Variants in NCR3 observed in about 807,000 individuals in gnomAD.
NCR3 encodes natural cytotoxicity triggering receptor 3, also known as NK-p30.
Under a neutral mutation model 16.1 loss-of-function variants are expected in NCR3, and 13 were observed. That is an observed-to-expected ratio of 0.81 (90% CI 0.53 to 1.28). The LOEUF (loss-of-function observed/expected upper bound fraction) is 1.28. NCR3 is among the 50% of genes most tolerant of loss of function. The probability of loss-of-function intolerance (pLI) is 0.00; values close to 1 mark genes in which losing one functional copy is unlikely to be tolerated. For missense variants in NCR3, 202 were observed against 256.8 expected, an observed-to-expected ratio of 0.79 and a Z score of 1.46; for synonymous variants, 98 against 106.6, an observed-to-expected ratio of 0.92 and a Z score of 0.50.
chr6:31,590,437 TA>T (rs1370497329), intron 1 of NCR3, among the ~76,000 whole-genome samples: 2 of 151,702 alleles, frequency 1.3e-5, no homozygotes, highest in Non-Finnish European at 2.9e-5. Context: ...CCGTCTCTAC[TA>T]AAAAAATACA....
At chr6:31,590,394 G>T (rs771465775) in intron 1 of NCR3, among the ~76,000 whole-genome samples, 2 of 152,130 alleles carry the variant, frequency 1.3e-5, no homozygotes, top group African/African-American at 2.4e-5. Context: ...CAGGTCAGGA[G>T]ATCGAGACCA....
intron 1 of NCR3, among the ~76,000 whole-genome samples, chr6:31,590,581 G>A (rs562918440): frequency 6.6e-5 from 10 of 152,104 alleles, no homozygotes; most frequent in South Asian, 2.1e-4. Flanking sequence ...CAGCCTGGGC[G>A]ACAAAGCAAG....
chr6:31,592,811 G>A lies in NCR3; in HGVS notation c.-90C>T. The A allele has an allele frequency of 7.0e-7, 1 of 1,431,086 alleles. No individual in the cohort carries two copies. Among genetic ancestry groups the A allele is most frequent in the South Asian group, 1.2e-5 (1 of 85,642 alleles). 88.6% of individuals were successfully genotyped at this position (1,431,086 alleles called of 1,614,324 possible). ...CTCACTACTTGTAGCCAGGCCTTTG[G>A]TCACCAGATGGGGATGGGGAGCTTC... On this transcript the variant is annotated 5_prime_UTR_variant, in exon 1 of 4. Transcript: ENST00000340027.
At position 31,589,482 on chromosome 6, in the gene NCR3, C is replaced by A. The variant is rs1772413140; in HGVS notation, c.496+44G>T. ...CCTCCCTCCTCCCACTCTCTTACTG[C>A]CCCTCCCATCCCGTCCACTATTGCC... On this transcript the variant is annotated intron_variant, in intron 3 of 3. Coordinates refer to ENST00000340027, the MANE Select transcript of NCR3 (RefSeq NM_147130.3). This position sits in a 1 kb window ranked among gnomAD's most constrained non-coding sequence, Gnocchi z 4.8. 4.4e-6 allele frequency: 7 copies of A among 1,608,134 alleles called. No homozygotes were observed. The African/African-American group carries it at 9.3e-5, about 21-fold the overall frequency.
At chr6:31,590,635 C>A (rs1772566516) in intron 1 of NCR3, among the ~76,000 whole-genome samples, 1 of 152,034 alleles carries the variant, frequency 6.6e-6, no homozygotes, top group Admixed American at 6.6e-5. Context: ...TTTTCAAATT[C>A]TTCCTATACC....
Position 31,588,974 on chromosome 6 carries a change from A to G in NCR3, c.*93T>C. 2 of 1,379,140 alleles carry G rather than the reference A, an allele frequency of 1.5e-6. No homozygotes were observed. The highest frequency in any genetic ancestry group is 1.9e-6 in the Non-Finnish European group (2 of 1,031,628). 85.4% of individuals were successfully genotyped at this position (1,379,140 alleles called of 1,614,324 possible). Reference sequence around the variant, plus strand: ...GTTCAGGGACCCAAGCTCCCCTAACAGCCAGAAGAGGGTATGTGTGGGCCT... The same window carrying G: ...GTTCAGGGACCCAAGCTCCCCTAACGGCCAGAAGAGGGTATGTGTGGGCCT... On this transcript the variant is annotated 3_prime_UTR_variant, in exon 4 of 4. Transcript: ENST00000340027.
chr6:31,588,948 T>C lies in NCR3; in HGVS notation c.*119A>G. 1 of 1,141,010 alleles carries C rather than the reference T, an allele frequency of 8.8e-7. No individual in the cohort carries two copies. Among genetic ancestry groups the C allele is most frequent in the Non-Finnish European group, 1.2e-6 (1 of 818,226 alleles). The allele number at this position is 1,141,010 out of a possible 1,614,324, so 70.7% of individuals were successfully genotyped here. A position where few individuals can be genotyped will look rare whatever the true frequency, so the allele number is the denominator to read the frequency against. ...TAGTAATTTATTGGGTGAATGACAG[T>C]GTTCAGGGACCCAAGCTCCCCTAAC... On this transcript the variant is annotated 3_prime_UTR_variant, in exon 4 of 4. Transcript: ENST00000340027.
At position 31,589,632 on chromosome 6, in the gene NCR3, T is replaced by C; in HGVS notation, c.390A>G (p.Glu130=). 1 of 1,613,506 alleles carries C rather than the reference T, an allele frequency of 6.2e-7. No individual in the cohort carries two copies. The highest frequency in any genetic ancestry group is 2.2e-5 in the East Asian group (1 of 44,862). Residue 130 remains glutamate (E), a splice_region_variant and synonymous_variant, in exon 3 of 4, where the codon GAA becomes GAG. Coordinates refer to ENST00000340027, the MANE Select transcript of NCR3 (RefSeq NM_147130.3). This position sits in a 1 kb window ranked among gnomAD's most constrained non-coding sequence, Gnocchi z 4.8. ...GNGTRLVVEK[E]HPQLGAGTVL... ...CTGTACCAGCCCCTAGCTGAGGATG[T>C]TCTGCATGGGGCAATGGAGACGGGG... is the stretch of plus-strand genomic sequence containing the variant.
chr6:31,590,335 C>T (rs1221308935), intron 1 of NCR3, among the ~76,000 whole-genome samples: 1 of 152,182 alleles, frequency 6.6e-6, no homozygotes, highest in Non-Finnish European at 1.5e-5. Flanking sequence ...GGTGCAGTGG[C>T]TCACGCCTGT....
Position 31,592,954 on chromosome 6 carries a change from G to A in NCR3, c.-233C>T, listed in dbSNP as rs1460115337. ...CAGATGCTGCTGGAGGAGATGTCAG[G>A]GTCTCTAGGAGGCCAAGGGGCCAGC... is the stretch of plus-strand genomic sequence containing the variant. On this transcript the variant is annotated 5_prime_UTR_variant, in exon 1 of 4. Transcript: ENST00000340027. The A allele has an allele frequency of 3.3e-5, 20 of 605,350 alleles. No homozygotes were observed. In the East Asian group the frequency reaches 5.6e-4, roughly 17 times the overall value. 37.5% of individuals were successfully genotyped at this position (605,350 alleles called of 1,614,324 possible). A position where few individuals can be genotyped will look rare whatever the true frequency, so the allele number is the denominator to read the frequency against.
At chr6:31,591,307 G>A (rs1012228001) in intron 1 of NCR3, among the ~76,000 whole-genome samples, 4 of 152,186 alleles carry the variant, frequency 2.6e-5, no homozygotes, top group Non-Finnish European at 5.9e-5. Flanking sequence ...AAATTTACAA[G>A]TCATTCTATT....
rs1772424768 is a variant in NCR3 at position 31,589,560 on chromosome 6, C to T, written c.462G>A (p.Val154=). ...GGTAATAGACGGTGCTGCCCACGGC[C>T]ACAGAGAGAAAGCTGACAGCATAGA... ...AGFYAVSFLS[V]AVGSTVYYQG... Residue 154 remains valine (V), a synonymous_variant, in exon 3 of 4, where the codon GTG becomes GTA. Transcript: ENST00000340027. The surrounding 1 kb of genome is among the most constrained non-coding windows in gnomAD (Gnocchi z 4.8). 6.2e-7 allele frequency: 1 copy of T among 1,613,970 alleles called. No homozygotes were observed.
At chr6:31,590,921 A>G (rs1008501135) in intron 1 of NCR3, among the ~76,000 whole-genome samples, 1 of 151,714 alleles carries the variant, frequency 6.6e-6, no homozygotes, top group Non-Finnish European at 1.5e-5. Context: ...CTCACTGCAA[A>G]CTCCGTCCCC....
chr6:31,590,245 T>G, intron 1 of NCR3, 119 bp from the exon 2 acceptor site: 3 of 757,828 alleles, frequency 4.0e-6, no homozygotes, highest in Middle Eastern at 2.4e-4. Flanking sequence ...TGGGAATAGA[T>G]ACTTTGGGTG....
At position 31,589,094 on chromosome 6, in the gene NCR3, A is replaced by G. The variant is rs112824179; in HGVS notation, c.579T>C (p.His193=). ...PLPPPCGSSA[H]LLPPVPGG is the part of the protein sequence containing the mutation. ...AGCCTCCTGGGACTGGGGGAAGCAG[A>G]TGTGCTGAGCTCCCACATGGTGGTG... Residue 193 remains histidine (H), a synonymous_variant, in exon 4 of 4, where the codon CAT becomes CAC. Transcript: ENST00000340027. This position sits in a 1 kb window ranked among gnomAD's most constrained non-coding sequence, Gnocchi z 4.8. The G allele has an allele frequency of 1.5e-5, 24 of 1,604,468 alleles. 1 individual carries two copies. In the Middle Eastern group the frequency reaches 6.6e-4, roughly 44 times the overall value.
At chr6:31,591,579 G>T (rs1156403560) in intron 1 of NCR3, among the ~76,000 whole-genome samples, 1 of 152,110 alleles carries the variant, frequency 6.6e-6, no homozygotes, top group African/African-American at 2.4e-5. Flanking sequence ...ACTTTGGAAG[G>T]CCAAGGCGAG....
chr6:31,589,610 TACCAGCC>T lies in NCR3; in HGVS notation c.405_411del (p.Ala136GlnfsTer30). The T allele has an allele frequency of 1.2e-6, 2 of 1,613,638 alleles. No individual in the cohort carries two copies. Among genetic ancestry groups the T allele is most frequent in the Non-Finnish European group, 1.7e-6 (2 of 1,180,012 alleles). ...AATCCAGCCCGAAGGAGGAGGACTGTACCAGCCCCTAGCTGAGGATGTTCTGCATGGG... is the reference window on the plus strand; with the variant it reads ...AATCCAGCCCGAAGGAGGAGGACTGTCCTAGCTGAGGATGTTCTGCATGGG... On this transcript the variant is annotated frameshift_variant, in exon 3 of 4. Coordinates refer to ENST00000340027, the MANE Select transcript of NCR3 (RefSeq NM_147130.3). LOFTEE classifies it high-confidence loss of function. This position sits in a 1 kb window ranked among gnomAD's most constrained non-coding sequence, Gnocchi z 4.8.
At position 31,589,143 on chromosome 6, in the gene NCR3, G is replaced by A. The variant is rs147422634; in HGVS notation, c.530C>T (p.Pro177Leu). 8.6e-5 allele frequency: 139 copies of A among 1,613,768 alleles called. No homozygotes were observed. Among genetic ancestry groups the A allele is most frequent in the Middle Eastern group, 1.6e-4 (1 of 6,082 alleles). Reference sequence around the variant, plus strand: ...TGGGAGGGGCGCTGGGACCACAGCCGGCAGCTGCCTTCTTGGACCTTTCCA... The same window carrying A: ...TGGGAGGGGCGCTGGGACCACAGCCAGCAGCTGCCTTCTTGGACCTTTCCA... The part of the protein sequence containing the change: ...LTWKGPRRQL[P>L]AVVPAPLPPP... The change falls in exon 4 of 4, where the codon CCG becomes CTG. Residue 177 changes from proline to leucine, a missense_variant. Transcript: ENST00000340027. This position sits in a 1 kb window ranked among gnomAD's most constrained non-coding sequence, Gnocchi z 4.8.
Position 31,589,500 on chromosome 6 carries a change from C to T in NCR3, c.496+26G>A. The T allele has an allele frequency of 1.9e-6, 3 of 1,613,216 alleles. No homozygotes were observed. Among genetic ancestry groups the T allele is most frequent in the Non-Finnish European group, 1.7e-6 (2 of 1,179,356 alleles). On this transcript the variant is annotated intron_variant, in intron 3 of 3. Coordinates refer to ENST00000340027, the MANE Select transcript of NCR3 (RefSeq NM_147130.3). This position sits in a 1 kb window ranked among gnomAD's most constrained non-coding sequence, Gnocchi z 4.8. The stretch of plus-strand genomic sequence containing the variant: ...CTTACTGCCCCTCCCATCCCGTCCA[C>T]TATTGCCCCTGGCTCCATTACTCAC...
Sources: gnomAD v4.1 joint callset for allele counts (sites outside exome capture counted in the v4.1 genomes callset) on GRCh38, gnomAD v4.1.1 for gene constraint, Gnocchi (gnomAD v3.1) non-coding constraint, MANE v1.5 for transcripts, NCBI Gene and HGNC (gene_info 2026-07-23, HGNC 2026-07-21) for gene names.